The following SMG6 variants were observed in gnomAD, a reference collection of about 807,000 sequenced individuals.
SMG6 encodes SMG6 nonsense mediated mRNA decay factor, also known as telomerase-binding protein EST1A.
In SMG6, 66 loss-of-function variants were observed where a neutral mutation model predicts 142.2. The observed-to-expected ratio is 0.46, with a 90% CI of 0.38 to 0.57. The LOEUF (loss-of-function observed/expected upper bound fraction) is 0.57, where lower values mean the gene tolerates loss of function less well. Ranked by LOEUF, SMG6 falls within the 20% of genes least tolerant of loss-of-function variation. The pLI, the probability that SMG6 is intolerant of heterozygous loss-of-function variation, is 0.00. For synonymous variants in SMG6, 779 were observed against 702.4 expected (o/e 1.11, Z -1.72); for missense variants, 1,793 against 1,832.0 (o/e 0.98, Z 0.39).
intron 13 of SMG6, among the ~76,000 whole-genome samples, chr17:2,090,887 G>A (rs1164502090): frequency 6.6e-6 from 1 of 152,190 alleles, no homozygotes; most frequent in Non-Finnish European, 1.5e-5. Context: ...GATGCAGACA[G>A]GAACATGAAG....
chr17:2,203,516 G>A (rs551822013), intron 10 of SMG6, among the ~76,000 whole-genome samples: 1 of 152,330 alleles, frequency 6.6e-6, no homozygotes, highest in East Asian at 1.9e-4. Flanking sequence ...AGCAAAGGAA[G>A]AGTAGAAAAG....
At chr17:2,087,210 C>T (rs957222351) in intron 13 of SMG6, 3 of 1,290,222 alleles carry the variant, frequency 2.3e-6, no homozygotes, top group Middle Eastern at 2.1e-4. Context: ...AAGCTGTGCA[C>T]ACAGTAGGCT....
chr17:2,247,573 C>A (rs747610362), intron 8 of SMG6, among the ~76,000 whole-genome samples: 1 of 152,026 alleles, frequency 6.6e-6, no homozygotes, highest in African/African-American at 2.4e-5. Context: ...AGATCATCTG[C>A]GGTCAGGAGT....
At chr17:2,220,568 T>C (rs1211668860) in intron 10 of SMG6, among the ~76,000 whole-genome samples, 1 of 152,192 alleles carries the variant, frequency 6.6e-6, no homozygotes, top group Non-Finnish European at 1.5e-5. Flanking sequence ...AGTTCGAGGC[T>C]GCAGTGAGCT....
chr17:2,129,793 C>CAAAAAAAAA (rs57556112), intron 13 of SMG6, among the ~76,000 whole-genome samples: 15 of 56,330 alleles, frequency 2.7e-4, no homozygotes, highest in Non-Finnish European at 4.3e-4. Context: ...GGCTCTGTCT[C>CAAAAAAAAA]AAAAAAAAAA....
chr17:2,183,745 G>GACACAC (rs56210030), intron 12 of SMG6, among the ~76,000 whole-genome samples: 33 of 146,448 alleles, frequency 2.3e-4, no homozygotes, highest in African/African-American at 3.5e-4. Flanking sequence ...AGGTGCGTGC[G>GACACAC]ACACACACAC....
chr17:2,292,541 G>A lies in SMG6; in HGVS notation c.2337+11C>T. The A allele has an allele frequency of 3.7e-6, 6 of 1,613,784 alleles. No homozygotes were observed. The highest frequency in any genetic ancestry group is 5.1e-6 in the Non-Finnish European group (6 of 1,179,780). On this transcript the variant is annotated intron_variant, in intron 6 of 18. Transcript: ENST00000263073. Reference sequence around the variant, plus strand: ...GCAAAGCACTTTTCCCCTGTCCACAGGATTTCTTACCGTATACACTGCCAG... The same window carrying A: ...GCAAAGCACTTTTCCCCTGTCCACAAGATTTCTTACCGTATACACTGCCAG...
At chr17:2,137,742 T>G (rs1014939705) in intron 13 of SMG6, among the ~76,000 whole-genome samples, 3 of 152,134 alleles carry the variant, frequency 2.0e-5, no homozygotes, top group Admixed American at 2.0e-4. Flanking sequence ...GCTCTATAGA[T>G]TCTCTGATTC....
chr17:2,299,456 G>T lies in SMG6; in HGVS notation c.1297C>A (p.Arg433=). The T allele has an allele frequency of 6.2e-7, 1 of 1,614,082 alleles. No homozygotes were observed. The highest frequency in any genetic ancestry group is 2.2e-5 in the East Asian group (1 of 44,868). Residue 433 remains arginine (R), a synonymous_variant, in exon 2 of 19, where the codon CGG becomes AGG. Transcript: ENST00000263073. This position sits in a 1 kb window ranked among gnomAD's most constrained non-coding sequence, Gnocchi z 4.3. The stretch of plus-strand genomic sequence containing the variant: ...TTACTACCAGATCCAAACAAAAGCC[G>T]AGGTCCCAAAGGCGCGGACTCTGGA... The part of the protein sequence containing the change: ...GSPESAPLGP[R]LLFGSGSKGS...
chr17:2,266,696 G>C (rs768761462), intron 8 of SMG6, among the ~76,000 whole-genome samples: 4 of 152,152 alleles, frequency 2.6e-5, no homozygotes, highest in African/African-American at 9.7e-5. Context: ...GAAACAAAAC[G>C]GATAGGATAA....
intron 10 of SMG6, among the ~76,000 whole-genome samples, chr17:2,198,308 G>A (rs1270119441): frequency 2.0e-5 from 3 of 152,200 alleles, no homozygotes; most frequent in Non-Finnish European, 4.4e-5. Context: ...ATGGAAAACA[G>A]ATTAGTGGTT....
chr17:2,115,252 T>C (rs915284275), intron 13 of SMG6, among the ~76,000 whole-genome samples: 2 of 152,070 alleles, frequency 1.3e-5, no homozygotes, highest in South Asian at 4.1e-4. Context: ...TCTTTTCCCT[T>C]TGTCTGCACC....
intron 4 of SMG6, among the ~76,000 whole-genome samples, chr17:2,296,104 A>G (rs956643270): frequency 6.6e-6 from 1 of 152,124 alleles, no homozygotes; most frequent in South Asian, 2.1e-4. Context: ...TACCTTATCC[A>G]TTTACTAAAA....
At chr17:2,070,292 T>C (rs2151396925) in intron 15 of SMG6, among the ~76,000 whole-genome samples, 1 of 152,302 alleles carries the variant, frequency 6.6e-6, no homozygotes, top group Non-Finnish European at 1.5e-5. Flanking sequence ...CTGGGGACCA[T>C]GGCCAAGAAT....
chr17:2,087,796 G>C lies in SMG6; in HGVS notation c.3358-1895C>G, dbSNP rs112206049. The stretch of plus-strand genomic sequence containing the variant: ...AGGCAGCACGCACAGTGGCCTCCCT[G>C]CATCTCCAGCCTCTCACTTGCATAG... On this transcript the variant is annotated intron_variant, in intron 13 of 18. Transcript: ENST00000263073. The C allele has an allele frequency of 5.1e-4, 505 of 985,870 alleles. 3 individuals are homozygous for C. The African/African-American group carries it at 8.1e-3, about 16-fold the overall frequency. The allele number at this position is 985,870 out of a possible 1,614,324, so 61.1% of individuals were successfully genotyped here. A position where few individuals can be genotyped will look rare whatever the true frequency, so the allele number is the denominator to read the frequency against.
intron 12 of SMG6, among the ~76,000 whole-genome samples, chr17:2,177,359 T>C (rs985996329): frequency 1.3e-5 from 2 of 152,008 alleles, no homozygotes; most frequent in Non-Finnish European, 2.9e-5. Flanking sequence ...GCAGGACTTT[T>C]TCTGAAAGCT....
intron 13 of SMG6, among the ~76,000 whole-genome samples, chr17:2,150,316 AAAAACTGTCTCCCAC>A (rs761752489): frequency 1.3e-5 from 2 of 152,216 alleles, no homozygotes; most frequent in Non-Finnish European, 2.9e-5. Flanking sequence ...CTGTCTGTGG[AAAAACTGTCTCCCAC>A]AAAACCAGTT....
At position 2,287,569 on chromosome 17, in the gene SMG6, A is replaced by C. The variant is rs78508763; in HGVS notation, c.2338-3834T>G. ...GTATGTACCCAGAAGAATTGGAAGCAGGGTCTTGAAGAGATTTTATTTGAA... is the reference window on the plus strand; with the variant it reads ...GTATGTACCCAGAAGAATTGGAAGCCGGGTCTTGAAGAGATTTTATTTGAA... On this transcript the variant is annotated intron_variant, in intron 6 of 18. Coordinates refer to ENST00000263073, the MANE Select transcript of SMG6 (RefSeq NM_017575.5). Among the ~76,000 whole-genome samples the C allele has an allele frequency of 9.7e-3, 1,483 of 152,334 alleles. 26 individuals carry two copies. Among genetic ancestry groups the C allele is most frequent in the African/African-American group, 0.034 (1,395 of 41,552 alleles).
At chr17:2,213,377 C>A (rs1165979968) in intron 10 of SMG6, among the ~76,000 whole-genome samples, 2 of 152,184 alleles carry the variant, frequency 1.3e-5, no homozygotes, top group Non-Finnish European at 2.9e-5. Context: ...AAATGTGCCA[C>A]AGATGGAGCT....
Sources: allele counts gnomAD v4.1 joint callset (sites outside exome capture counted in the v4.1 genomes callset), GRCh38; gene constraint gnomAD v4.1.1; non-coding constraint Gnocchi (gnomAD v3.1); transcripts MANE v1.5; gene names NCBI Gene and HGNC (gene_info 2026-07-23, HGNC 2026-07-21).